RAPGEF2: variants seen among roughly 807,000 people sequenced by gnomAD.
RAPGEF2 encodes the protein Rap guanine nucleotide exchange factor 2, also known as PDZ domain containing guanine nucleotide exchange factor (GEF) 1.
RAPGEF2 carries 54 observed loss-of-function variants against 186.7 expected under a neutral mutation model. The observed-to-expected ratio is 0.29, with a 90% confidence interval of 0.23 to 0.36. The LOEUF is 0.36. Among genes scored for constraint, RAPGEF2 ranks in the 10% least tolerant of loss-of-function variants. The pLI, the probability that RAPGEF2 is intolerant of heterozygous loss-of-function variation, is 1.00. For synonymous variants in RAPGEF2, 712 were observed against 705.9 expected, an observed-to-expected ratio of 1.01 and a Z score of -0.14; for missense variants, 1,532 against 2,045.0, an observed-to-expected ratio of 0.75 and a Z score of 4.84.
At chr4:159,283,187 G>A (rs1322746315) in intron 7 of RAPGEF2, among the ~76,000 whole-genome samples, 1 of 152,074 alleles carries the variant, frequency 6.6e-6, no homozygotes, top group East Asian at 1.9e-4. Context: ...TTTGGTTAAT[G>A]ATATACATAG....
chr4:159,263,450 C>T (rs868358745), intron 7 of RAPGEF2, among the ~76,000 whole-genome samples: 1 of 152,144 alleles, frequency 6.6e-6, no homozygotes, highest in African/African-American at 2.4e-5. Flanking sequence ...GTTGTTTTCT[C>T]GTATCAAAGA....
At chr4:159,157,744 C>T (rs1035599025) in intron 1 of RAPGEF2, among the ~76,000 whole-genome samples, 5 of 152,186 alleles carry the variant, frequency 3.3e-5, no homozygotes, top group African/African-American at 9.7e-5. Flanking sequence ...TCATAATGTC[C>T]GTTTTCTCAT....
intron 7 of RAPGEF2, among the ~76,000 whole-genome samples, chr4:159,249,152 C>T (rs1204194912): frequency 1.3e-5 from 2 of 152,018 alleles, no homozygotes; most frequent in Admixed American, 6.6e-5. Flanking sequence ...TTTAAATATA[C>T]TTGGCTAAAA....
intron 24 of RAPGEF2, 36 bp from the exon 25 acceptor site, chr4:159,346,753 T>G (rs112864152): frequency 6.4e-7 from 1 of 1,558,208 alleles, no homozygotes; most frequent in Admixed American, 1.7e-5. Context: ...GCATCTAAAA[T>G]TCTTTGTTCT....
At chr4:159,197,002 T>C (rs1279845825) in intron 3 of RAPGEF2, among the ~76,000 whole-genome samples, 2 of 152,242 alleles carry the variant, frequency 1.3e-5, no homozygotes, top group East Asian at 3.8e-4. Context: ...TGGAAAAGCC[T>C]ATCAGGTAAT....
chr4:159,346,684 G>T (rs1454710970), intron 24 of RAPGEF2, 105 bp from the exon 25 acceptor site: 10 of 926,684 alleles, frequency 1.1e-5, no homozygotes, highest in Non-Finnish European at 1.7e-5. Context: ...CATTAATTTA[G>T]TATTCTAACT....
chr4:159,132,743 G>C (rs1312112641), intron 1 of RAPGEF2, among the ~76,000 whole-genome samples: 1 of 151,980 alleles, frequency 6.6e-6, no homozygotes, highest in Non-Finnish European at 1.5e-5. Flanking sequence ...TACGTTGATT[G>C]CTCATTTTCT....
At chr4:159,110,948 G>A (rs1264403466) in intron 1 of RAPGEF2, among the ~76,000 whole-genome samples, 2 of 151,854 alleles carry the variant, frequency 1.3e-5, no homozygotes, top group Non-Finnish European at 2.9e-5. Context: ...AAGTGATTAT[G>A]TCAGTCATTG....
chr4:159,104,538 G>GAGAGAGGGAGAGAC (rs1737632639), intron 1 of RAPGEF2, among the ~76,000 whole-genome samples: 1 of 109,174 alleles, frequency 9.2e-6, no homozygotes, highest in African/African-American at 3.8e-5. Flanking sequence ...GAGAGACAGA[G>GAGAGAGGGAGAGAC]AGAGAGAGAG....
At chr4:159,239,363 T>C (rs57028959) in intron 5 of RAPGEF2, among the ~76,000 whole-genome samples, 38,907 of 152,098 alleles carry the variant, frequency 0.26, 5,602 homozygotes, top group African/African-American at 0.39. Context: ...ATTCATTCAT[T>C]AGAGTTTCTA....
intron 1 of RAPGEF2, among the ~76,000 whole-genome samples, chr4:159,162,268 T>C (rs1744795460): frequency 6.7e-6 from 1 of 150,172 alleles, no homozygotes; most frequent in Non-Finnish European, 1.5e-5. Context: ...CGTGTACTTG[T>C]AGTCCCAAGT....
At chr4:159,257,737 A>T (rs1756350326) in intron 7 of RAPGEF2, among the ~76,000 whole-genome samples, 1 of 152,080 alleles carries the variant, frequency 6.6e-6, no homozygotes, top group African/African-American at 2.4e-5. Context: ...ATGGTTGTAG[A>T]TGTGCAGTCT....
chr4:159,127,368 C>T (rs937332000), intron 1 of RAPGEF2, among the ~76,000 whole-genome samples: 4 of 152,114 alleles, frequency 2.6e-5, no homozygotes, highest in East Asian at 1.9e-4. Flanking sequence ...TTCTCACTGC[C>T]ACCATTCTCA....
At chr4:159,266,510 GTT>G (rs997924251) in intron 7 of RAPGEF2, among the ~76,000 whole-genome samples, 1 of 151,970 alleles carries the variant, frequency 6.6e-6, no homozygotes, top group Admixed American at 6.6e-5. Flanking sequence ...GAAATTAAGA[GTT>G]TATAATAGAA....
rs71589215 is a variant in RAPGEF2, at chr4:159,178,551, C to CTTTTTTTT, written c.70-8074_70-8067dup. 4.2e-4 allele frequency among the ~76,000 whole-genome samples: 32 copies of CTTTTTTTT among 75,486 alleles called. 1 individual carries two copies. The highest frequency in any genetic ancestry group is 8.2e-4 in the African/African-American group (14 of 16,984). 49.5% of individuals were successfully genotyped at this position (75,486 alleles called of 152,430 possible). A position where few individuals can be genotyped will look rare whatever the true frequency, so the allele number is the denominator to read the frequency against. On this transcript the variant is annotated intron_variant, in intron 1 of 29. Coordinates refer to ENST00000691494, the MANE Select transcript of RAPGEF2 (RefSeq NM_001394067.2). ...TTCTTTCCCATTAGCATGTATTATGCTTTTTTTTTTTTTTTTTTTTTTTTG... is the reference window on the plus strand; with the variant it reads ...TTCTTTCCCATTAGCATGTATTATGCTTTTTTTTTTTTTTTTTTTTTTTTTTTTTTTTG...
Position 159,235,808 on chromosome 4 carries a change from G to C in RAPGEF2, c.282-3001G>C, listed in dbSNP as rs552277497. 2.6e-5 allele frequency among the ~76,000 whole-genome samples: 4 copies of C among 152,312 alleles called. No homozygotes were observed. In the South Asian group the frequency reaches 8.3e-4, roughly 32 times the overall value. On this transcript the variant is annotated intron_variant, in intron 4 of 29. Transcript: ENST00000691494. ...GTATTTACTGTTTCAAAGAATCAGAGAGCAGAAGCAAAAGTAACTTGTGGA... is the reference window on the plus strand; with the variant it reads ...GTATTTACTGTTTCAAAGAATCAGACAGCAGAAGCAAAAGTAACTTGTGGA...
At chr4:159,174,756 C>CTTT (rs1554004795) in intron 1 of RAPGEF2, among the ~76,000 whole-genome samples, 1 of 112,550 alleles carries the variant, frequency 8.9e-6, no homozygotes, top group Non-Finnish European at 1.8e-5. Flanking sequence ...TCTTTTCTTT[C>CTTT]TTTCTTTTTT....
intron 4 of RAPGEF2, among the ~76,000 whole-genome samples, chr4:159,215,486 A>G (rs980420072): frequency 6.6e-6 from 1 of 152,224 alleles, no homozygotes; most frequent in African/African-American, 2.4e-5. Context: ...CCTGTGCTAG[A>G]TATTTAAGAC....
Position 159,354,040 on chromosome 4 carries a change from C to T in RAPGEF2, c.4645C>T (p.Leu1549Phe), listed in dbSNP as rs375164013. The T allele has an allele frequency of 6.4e-6, 10 of 1,562,950 alleles. No homozygotes were observed. The highest frequency in any genetic ancestry group is 7.8e-6 in the Non-Finnish European group (9 of 1,158,666). ...IAVASSTTKG[L>F]IARKEGRYRE... Reference sequence around the variant, plus strand: ...TGTGGCATCAAGTACTACAAAGGGGCTCATTGGTAAGTTTTAAAATTGGGG... The same window carrying T: ...TGTGGCATCAAGTACTACAAAGGGGTTCATTGGTAAGTTTTAAAATTGGGG... Residue 1549 changes from leucine to phenylalanine, a missense_variant, in exon 28 of 30, where the codon CTC becomes TTC. Leu to Phe is a conservative substitution (Grantham distance 22). Transcript: ENST00000691494.
Sources: gnomAD v4.1 joint callset for allele counts (sites outside exome capture counted in the v4.1 genomes callset) on GRCh38, gnomAD v4.1.1 for gene constraint, MANE v1.5 for transcripts, NCBI Gene and HGNC (gene_info 2026-07-23, HGNC 2026-07-21) for gene names.